BICRAL: variants seen among roughly 807,000 people sequenced by gnomAD.
BICRAL encodes BRD4-interacting chromatin-remodeling complex-associated protein-like.
A neutral mutation model predicts 91.8 loss-of-function variants in BICRAL; 8 were observed. The observed-to-expected ratio is 0.09, with a 90% CI of 0.05 to 0.16. The LOEUF is 0.16. Ranked by LOEUF, BICRAL falls within the 10% of genes least tolerant of loss-of-function variation. The probability of loss-of-function intolerance (pLI) is 1.00; values close to 1 mark genes in which losing one functional copy is unlikely to be tolerated. For missense variants in BICRAL, 1,038 were observed against 1,310.9 expected (o/e 0.79, Z 3.21); for synonymous variants, 445 against 491.1 (o/e 0.91, Z 1.24).
At chr6:42,783,233 T>TCCGCGG (rs1160975244) in intron 1 of BICRAL, among the ~76,000 whole-genome samples, 4 of 151,684 alleles carry the variant, frequency 2.6e-5, no homozygotes, top group East Asian at 2.0e-4. Flanking sequence ...CCGCCGAGGA[T>TCCGCGG]CCGCGGCCGC....
intron 6 of BICRAL, among the ~76,000 whole-genome samples, chr6:42,850,036 C>A (rs1397277372): frequency 6.7e-6 from 1 of 149,810 alleles, no homozygotes; most frequent in Non-Finnish European, 1.5e-5. Flanking sequence ...GACCCTGTCT[C>A]AATAAATAAA....
At chr6:42,765,269 G>T (rs749067986) in intron 1 of BICRAL, among the ~76,000 whole-genome samples, 1 of 152,202 alleles carries the variant, frequency 6.6e-6, no homozygotes, top group Non-Finnish European at 1.5e-5. Flanking sequence ...TTTGGAGGAC[G>T]GAATAATGGC....
chr6:42,860,002 A>G (rs994562262), intron 10 of BICRAL, among the ~76,000 whole-genome samples: 2 of 152,124 alleles, frequency 1.3e-5, no homozygotes, highest in African/African-American at 4.8e-5. Flanking sequence ...GGTGATATCA[A>G]AGTAATTATG....
intron 1 of BICRAL, among the ~76,000 whole-genome samples, chr6:42,760,464 C>T (rs964214126): frequency 1.3e-5 from 2 of 151,828 alleles, no homozygotes; most frequent in Non-Finnish European, 2.9e-5. Context: ...GGAAAGAGTC[C>T]TAGTTAAAGA....
chr6:42,854,056 A>T (rs1765272460), intron 8 of BICRAL, among the ~76,000 whole-genome samples: 1 of 152,246 alleles, frequency 6.6e-6, no homozygotes, highest in Non-Finnish European at 1.5e-5. Context: ...ACTAGGTGAT[A>T]TCGTTCACTA....
intron 6 of BICRAL, among the ~76,000 whole-genome samples, chr6:42,837,738 C>A (rs1310940544): frequency 1.4e-5 from 2 of 146,714 alleles, no homozygotes; most frequent in East Asian, 4.0e-4. Flanking sequence ...GGTGACAGAG[C>A]AAGACTCCAT....
At chr6:42,833,246 G>T (rs558678997) in intron 6 of BICRAL, among the ~76,000 whole-genome samples, 1 of 151,332 alleles carries the variant, frequency 6.6e-6, no homozygotes, top group Non-Finnish European at 1.5e-5. Flanking sequence ...TAGTAGAGAC[G>T]GGGTTTCACC....
chr6:42,862,561 G>A lies in BICRAL; in HGVS notation c.2401G>A (p.Glu801Lys). The change falls in exon 12 of 13, where the codon GAG becomes AAG. Residue 801 changes from glutamate to lysine, a missense_variant. Physicochemically the swap from Glu to Lys is moderately conservative, Grantham distance 56. Transcript: ENST00000314073. ...MVMIDRMFNQ[E>K]ERASLSRDKR... ...GATGATCGATAGGATGTTCAACCAG[G>A]AGGAAAGAGCTTCCCTGTCCCGAGA... 6 of 1,612,856 alleles carry A rather than the reference G, an allele frequency of 3.7e-6. No homozygotes were observed. Among genetic ancestry groups the A allele is most frequent in the Non-Finnish European group, 4.2e-6 (5 of 1,178,898 alleles).
chr6:42,790,908 A>G (rs58447276), intron 1 of BICRAL, among the ~76,000 whole-genome samples: 8,002 of 151,952 alleles, frequency 0.053, 717 homozygotes, highest in African/African-American at 0.18. Flanking sequence ...TGAAATGAGT[A>G]TGGAGAGGTG....
chr6:42,782,323 CTG>C (rs1488603033), intron 1 of BICRAL, among the ~76,000 whole-genome samples: 5 of 100,518 alleles, frequency 5.0e-5, no homozygotes, highest in African/African-American at 1.6e-4. Flanking sequence ...TTGGCTAAGG[CTG>C]TGTTTTTTTT....
intron 1 of BICRAL, among the ~76,000 whole-genome samples, chr6:42,775,792 G>C (rs1406082786): frequency 1.3e-5 from 2 of 152,042 alleles, no homozygotes; most frequent in Non-Finnish European, 2.9e-5. Flanking sequence ...TTAATATAGA[G>C]ACAAATAGCT....
intron 7 of BICRAL, chr6:42,852,586 C>A: frequency 2.8e-6 from 1 of 351,054 alleles, no homozygotes; most frequent in South Asian, 2.1e-5. Context: ...CGCTTGAACC[C>A]GGGAGGCAGA....
In BICRAL at chr6:42,829,225, A is replaced by G. The variant is rs757876809; in HGVS notation, c.892A>G (p.Ile298Val). The change falls in exon 6 of 13, where the codon ATA becomes GTA. Residue 298 changes from isoleucine (I) to valine (V), a missense_variant. By Grantham distance (29) the Ile-to-Val change is conservative (BLOSUM62 3). Around this residue, in one of 5 missense-constraint regions of BICRAL, gnomAD observed 532 missense variants for 724.9 expected, o/e 0.73. Coordinates refer to ENST00000314073, the MANE Select transcript of BICRAL (RefSeq NM_001393499.1). ...ATCTTTACCTGTGCATAACATCATC[A>G]TACAAAGGGGTCTTGCACCAAATTC... The part of the protein sequence containing the change: ...QTSLPVHNII[I>V]QRGLAPNSNK... 3.1e-6 allele frequency: 5 copies of G among 1,614,038 alleles called. No homozygotes were observed. The highest frequency in any genetic ancestry group is 4.2e-6 in the Non-Finnish European group (5 of 1,180,018).
rs765917944 is a variant in BICRAL at position 42,852,337 on chromosome 6, C to T, written c.1945+140C>T. 26 of 713,326 alleles carry T rather than the reference C, an allele frequency of 3.6e-5. No homozygotes were observed. In the East Asian group the frequency reaches 3.8e-4, roughly 10 times the overall value. The allele number at this position is 713,326 out of a possible 1,614,324, so 44.2% of individuals were successfully genotyped here. ...TATTCCTTTCTTTCTGTATCCTTTC[C>T]GCAAATAATATACTGTGTTGCATCA... On this transcript the variant is annotated intron_variant, in intron 7 of 12. Coordinates refer to ENST00000314073, the MANE Select transcript of BICRAL (RefSeq NM_001393499.1).
chr6:42,753,179 AC>A (rs1307887441), intron 1 of BICRAL, among the ~76,000 whole-genome samples: 1 of 151,594 alleles, frequency 6.6e-6, no homozygotes, highest in Non-Finnish European at 1.5e-5. Context: ...CATCCACCTC[AC>A]CCTCCCAAGG....
chr6:42,779,255 CA>C (rs1762849192), upstream of BICRAL, among the ~76,000 whole-genome samples: 1 of 149,748 alleles, frequency 6.7e-6, no homozygotes, highest in African/African-American at 2.5e-5. Flanking sequence ...CACACACACA[CA>C]CACACACACA....
upstream of BICRAL, among the ~76,000 whole-genome samples, chr6:42,746,759 T>C (rs1762282905): frequency 6.6e-6 from 1 of 151,610 alleles, no homozygotes; most frequent in African/African-American, 2.4e-5. Flanking sequence ...GCCTGGGGGC[T>C]CCTGGATCCC....
chr6:42,846,616 G>A (rs1765019128), intron 6 of BICRAL, among the ~76,000 whole-genome samples: 1 of 152,092 alleles, frequency 6.6e-6, no homozygotes, highest in African/African-American at 2.4e-5. Flanking sequence ...TGACTGGAGG[G>A]GTAGTCTTCT....
chr6:42,750,913 CTTTAAG>C (rs1762370338), intron 1 of BICRAL, among the ~76,000 whole-genome samples: 1 of 47,798 alleles, frequency 2.1e-5, no homozygotes, highest in African/African-American at 8.7e-5. Context: ...TTTTTTAATA[CTTTAAG>C]TTCTGGGATG....
Sources: gnomAD v4.1 joint callset for allele counts (sites outside exome capture counted in the v4.1 genomes callset) on GRCh38, gnomAD v4.1.1 for gene constraint, gnomAD v4.1.1 regional missense constraint, MANE v1.5 for transcripts, NCBI Gene and HGNC (gene_info 2026-07-23, HGNC 2026-07-21) for gene names.